The following GMCL1 variants were observed in gnomAD, a reference collection of about 807,000 sequenced individuals.
The protein encoded by GMCL1 is germ cell-less protein-like 1.
GMCL1 carries 54 observed loss-of-function variants against 75.5 expected under a neutral mutation model. The observed-to-expected ratio is 0.71, with a 90% CI of 0.57 to 0.90. The LOEUF is 0.90. GMCL1 is among the 40% of genes least tolerant of loss of function. The pLI, the probability that GMCL1 is intolerant of heterozygous loss-of-function variation, is 0.00. For missense variants in GMCL1, 537 were observed against 622.7 expected (o/e 0.86, Z 1.47); for synonymous variants, 210 against 209.6 (o/e 1.00, Z -0.02).
At chr2:69,832,483 T>C (rs997166353) in intron 1 of GMCL1, among the ~76,000 whole-genome samples, 4 of 152,090 alleles carry the variant, frequency 2.6e-5, no homozygotes, top group Non-Finnish European at 4.4e-5. Context: ...TATATACATT[T>C]ATTTATTTAT....
chr2:69,845,202 G>T (rs1675102317), intron 6 of GMCL1, among the ~76,000 whole-genome samples: 1 of 152,238 alleles, frequency 6.6e-6, no homozygotes, highest in South Asian at 2.1e-4. Flanking sequence ...GCAGTCAACT[G>T]CGCCGCCTTC....
chr2:69,834,622 T>C (rs944211268), intron 1 of GMCL1, among the ~76,000 whole-genome samples: 3 of 152,176 alleles, frequency 2.0e-5, no homozygotes, highest in Non-Finnish European at 4.4e-5. Context: ...CAGGTGACCA[T>C]TTTTGCTCTC....
chr2:69,834,509 T>C (rs958583032), intron 1 of GMCL1, among the ~76,000 whole-genome samples: 2 of 152,268 alleles, frequency 1.3e-5, no homozygotes, highest in African/African-American at 4.8e-5. Flanking sequence ...TGACTGGGTA[T>C]GGAAATCTAA....
rs1553372489 is a variant in GMCL1, at chr2:69,859,742, T to TTAAAAAAAAAAAAA, written c.1073-1536_1073-1535insTAAAAAAAAAAAAA. Reference sequence around the variant, plus strand: ...GAGTGAGACCGTGTCTCTCTCTCTCTAAAAAAAAAAAAAAAAGTATATATG... The same window carrying TTAAAAAAAAAAAAA: ...GAGTGAGACCGTGTCTCTCTCTCTCTTAAAAAAAAAAAAAAAAAAAAAAAAAAAAAGTATATATG... On this transcript the variant is annotated intron_variant, in intron 9 of 13. Transcript: ENST00000282570. Among the ~76,000 whole-genome samples the TTAAAAAAAAAAAAA allele has an allele frequency of 5.2e-4, 41 of 79,094 alleles. 1 individual carries two copies. The highest frequency in any genetic ancestry group is 1.8e-3 in the African/African-American group (31 of 17,508). 51.9% of individuals were successfully genotyped at this position (79,094 alleles called of 152,430 possible).
chr2:69,837,859 G>T (rs1674863368), intron 2 of GMCL1, among the ~76,000 whole-genome samples, 189 bp downstream of exon 2: 1 of 152,102 alleles, frequency 6.6e-6, no homozygotes, highest in Non-Finnish European at 1.5e-5. Context: ...AAGAGATTTT[G>T]ATATTTCAGT....
intron 11 of GMCL1, among the ~76,000 whole-genome samples, chr2:69,865,498 G>T (rs1043000702): frequency 6.6e-6 from 1 of 151,906 alleles, no homozygotes; most frequent in South Asian, 2.1e-4. Flanking sequence ...AAATACAGAA[G>T]TTAGCCAGGC....
chr2:69,867,805 A>C (rs1359738205), intron 11 of GMCL1, among the ~76,000 whole-genome samples: 1 of 152,184 alleles, frequency 6.6e-6, no homozygotes, highest in Non-Finnish European at 1.5e-5. Context: ...GAAGTAGGTT[A>C]GTGCTGCATC....
At chr2:69,873,866 A>G (rs1676050214) in intron 13 of GMCL1, 1 of 167,750 alleles carries the variant, frequency 6.0e-6, no homozygotes. Context: ...TGGGCCCAGT[A>G]GAAGAAAGGC....
At chr2:69,832,979 C>G (rs1466474773) in intron 1 of GMCL1, among the ~76,000 whole-genome samples, 1 of 152,124 alleles carries the variant, frequency 6.6e-6, no homozygotes, top group Non-Finnish European at 1.5e-5. Flanking sequence ...CCACCCCTTT[C>G]CCAAGCTAAG....
intron 3 of GMCL1, chr2:69,840,070 C>T (rs1410067332): frequency 6.5e-6 from 1 of 152,758 alleles, no homozygotes; most frequent in Non-Finnish European, 1.5e-5. Context: ...TCTTGCTGCT[C>T]CCCTCATTGG....
At chr2:69,835,599 G>A (rs897296305) in intron 1 of GMCL1, among the ~76,000 whole-genome samples, 8 of 152,098 alleles carry the variant, frequency 5.3e-5, no homozygotes, top group African/African-American at 1.4e-4. Context: ...TTGGTTATAG[G>A]TGGGGCATGC....
At position 69,834,442 on chromosome 2, in the gene GMCL1, G is replaced by C. The variant is rs543228242; in HGVS notation, c.261-3105G>C. ...TATTTTCCAAGGAAGGGTGCAAAAG[G>C]GGGTAATTTGTGCGTATCTAAATAT... On this transcript the variant is annotated intron_variant, in intron 1 of 13. Transcript: ENST00000282570. Among the ~76,000 whole-genome samples, 19 of 152,300 alleles carry C rather than the reference G, an allele frequency of 1.2e-4. No individual in the cohort carries two copies. The South Asian group carries it at 3.5e-3, about 28-fold the overall frequency.
intron 9 of GMCL1, among the ~76,000 whole-genome samples, chr2:69,857,868 C>T (rs1278085957): frequency 1.3e-5 from 2 of 152,184 alleles, no homozygotes; most frequent in Admixed American, 1.3e-4. Context: ...CCTGAAGATA[C>T]ACTTTTCCCT....
chr2:69,830,765 T>C (rs1202359102), intron 1 of GMCL1, among the ~76,000 whole-genome samples: 100 of 67,666 alleles, frequency 1.5e-3, no homozygotes, highest in Admixed American at 8.7e-3. Context: ...TTTAACCCCT[T>C]TTTTTTTTTT....
chr2:69,861,332 A>T lies in GMCL1; in HGVS notation c.1127A>T (p.Gln376Leu). ...QQWFAMLRAE[Q>L]DSEVGPQEIN... Reference sequence around the variant, plus strand: ...TGGTTTGCTATGCTGCGGGCAGAACAGGACAGTGAGGTGGGGTAAGTATAT... The same window carrying T: ...TGGTTTGCTATGCTGCGGGCAGAACTGGACAGTGAGGTGGGGTAAGTATAT... The change falls in exon 10 of 14, where the codon CAG (glutamine) becomes CTG (leucine). Residue 376 changes from glutamine to leucine, a missense_variant. By Grantham distance (113) the Gln-to-Leu change is moderately radical. Coordinates refer to ENST00000282570, the MANE Select transcript of GMCL1 (RefSeq NM_178439.5). 1 of 1,608,176 alleles carries T rather than the reference A, an allele frequency of 6.2e-7. No individual in the cohort carries two copies. The highest frequency in any genetic ancestry group is 8.5e-7 in the Non-Finnish European group (1 of 1,175,674).
At chr2:69,869,002 C>T (rs778849114) in intron 11 of GMCL1, among the ~76,000 whole-genome samples, 3 of 151,650 alleles carry the variant, frequency 2.0e-5, no homozygotes, top group Non-Finnish European at 2.9e-5. Flanking sequence ...TTTGTAGTCC[C>T]AGCACTTTGG....
In GMCL1 at chr2:69,879,141, A is replaced by C. The variant is rs747778543; in HGVS notation, c.*137A>C. 1.6e-6 allele frequency: 1 copy of C among 621,556 alleles called. No homozygotes were observed. The highest frequency in any genetic ancestry group is 2.8e-5 in the East Asian group (1 of 36,066). The allele number at this position is 621,556 out of a possible 1,614,324, so 38.5% of individuals were successfully genotyped here. ...ACATCGAAGGTGACTAACAATGACA[A>C]AGGCCTTATGAACTGTACAGACAAT... On this transcript the variant is annotated 3_prime_UTR_variant, in exon 14 of 14. Coordinates refer to ENST00000282570, the MANE Select transcript of GMCL1 (RefSeq NM_178439.5).
intron 7 of GMCL1, 37 bp downstream of exon 7, chr2:69,847,664 G>A (rs972066751): frequency 1.0e-5 from 13 of 1,268,242 alleles, no homozygotes; most frequent in Non-Finnish European, 1.4e-5. Flanking sequence ...ATACAAGGAT[G>A]TCACCTCAGC....
chr2:69,871,617 A>G (rs1675982157), intron 12 of GMCL1, 128 bp from the exon 13 acceptor site: 1 of 560,958 alleles, frequency 1.8e-6, no homozygotes, highest in Non-Finnish European at 3.1e-6. Flanking sequence ...ACAGTTTGAA[A>G]AGACTTCCTA....
Sources: allele counts gnomAD v4.1 joint callset (sites outside exome capture counted in the v4.1 genomes callset), GRCh38; gene constraint gnomAD v4.1.1; transcripts MANE v1.5; gene names NCBI Gene and HGNC (gene_info 2026-07-23, HGNC 2026-07-21).